GRIP1: variants seen among roughly 807,000 people sequenced by gnomAD.
GRIP1 encodes glutamate receptor-interacting protein 1.
In GRIP1, 45 loss-of-function variants were observed where a neutral mutation model predicts 129.9. The observed-to-expected ratio is 0.35, with a 90% CI of 0.27 to 0.44. The LOEUF (loss-of-function observed/expected upper bound fraction) is 0.44. GRIP1 is among the 20% of genes least tolerant of loss of function. GRIP1 has a pLI of 1.00. For synonymous variants in GRIP1, 530 were observed against 520.8 expected, an observed-to-expected ratio of 1.02 and a Z score of -0.24; for missense variants, 1,196 against 1,396.8, an observed-to-expected ratio of 0.86 and a Z score of 2.29.
intron 1 of GRIP1, among the ~76,000 whole-genome samples, chr12:67,013,971 C>T (rs2042747176): frequency 6.6e-6 from 1 of 152,186 alleles, no homozygotes; most frequent in Non-Finnish European, 1.5e-5. Flanking sequence ...GACAAAGATG[C>T]TCTCTTTTCT....
chr12:66,948,515 A>G (rs2041706231), intron 1 of GRIP1, among the ~76,000 whole-genome samples: 1 of 152,220 alleles, frequency 6.6e-6, no homozygotes, highest in South Asian at 2.1e-4. Context: ...ACTGGCTCAT[A>G]GAAGAAGATT....
intron 1 of GRIP1, among the ~76,000 whole-genome samples, chr12:66,919,171 C>A (rs1248188517): frequency 1.3e-5 from 2 of 152,048 alleles, no homozygotes; most frequent in East Asian, 1.9e-4. Context: ...ATGTAAATCC[C>A]AAATTATCAA....
chr12:66,998,560 T>C (rs890864205), intron 1 of GRIP1, among the ~76,000 whole-genome samples: 3 of 152,134 alleles, frequency 2.0e-5, no homozygotes, highest in African/African-American at 4.8e-5. Context: ...ATTTTACTTA[T>C]TCTTTTCTCT....
chr12:66,684,003 G>A (rs1328671807), upstream of GRIP1, among the ~76,000 whole-genome samples: 1 of 152,154 alleles, frequency 6.6e-6, no homozygotes, highest in African/African-American at 2.4e-5. Context: ...CCACTAAATG[G>A]CTGCGTGACC....
In GRIP1 at chr12:66,501,419, AAAG is replaced by A. The variant is rs1388788791; in HGVS notation, c.724+14197_724+14199del. On this transcript the variant is annotated intron_variant, in intron 7 of 24. Transcript: ENST00000359742. ...TATATAATGGCTAATGGAAGGTAAA[AAAG>A]AAGAATATTTTTTTCCCCAGTGAAT... is the stretch of plus-strand genomic sequence containing the variant. 2.6e-5 allele frequency among the ~76,000 whole-genome samples: 4 copies of A among 152,304 alleles called. No individual in the cohort carries two copies. The South Asian group carries it at 8.3e-4, about 32-fold the overall frequency.
rs144135201 is a variant in GRIP1, at chr12:66,869,953, A to G, written c.58+199097T>C. On this transcript the variant is annotated intron_variant, in intron 1 of 1. Transcript: ENST00000643019. ...CAGGGCTCTCAACCTCCATGGTCTG[A>G]CATTATGGGCCAGATAATTCTTGGA... Among the ~76,000 whole-genome samples the G allele has an allele frequency of 1.1e-3, 174 of 152,236 alleles. 3 individuals are homozygous for G. In the South Asian group the frequency reaches 0.013, roughly 11 times the overall value.
chr12:66,527,436 A>G (rs1169664349), intron 5 of GRIP1, among the ~76,000 whole-genome samples: 1 of 152,118 alleles, frequency 6.6e-6, no homozygotes, highest in African/African-American at 2.4e-5. Context: ...ACAAAAAACC[A>G]AACACTGCAT....
At chr12:66,660,408 G>A (rs2033425989) in intron 1 of GRIP1, among the ~76,000 whole-genome samples, 1 of 151,956 alleles carries the variant, frequency 6.6e-6, no homozygotes, top group Admixed American at 6.6e-5. Context: ...AGGCACTGAG[G>A]AAAAATGATT....
At chr12:66,492,812 C>T (rs1474445876) in intron 7 of GRIP1, among the ~76,000 whole-genome samples, 1 of 152,064 alleles carries the variant, frequency 6.6e-6, no homozygotes, top group East Asian at 1.9e-4. Flanking sequence ...GAGTTCAAGA[C>T]CAGCCTGGCC....
At chr12:66,630,513 T>C (rs1487063258) in intron 1 of GRIP1, among the ~76,000 whole-genome samples, 3 of 131,162 alleles carry the variant, frequency 2.3e-5, no homozygotes, top group Non-Finnish European at 5.1e-5. Flanking sequence ...AGTGAAAGAA[T>C]GAATCGCATT....
chr12:66,790,931 G>A (rs1241063608), intron 1 of GRIP1, among the ~76,000 whole-genome samples: 1 of 152,132 alleles, frequency 6.6e-6, no homozygotes, highest in Non-Finnish European at 1.5e-5. Context: ...AAGAGAGGCT[G>A]GAGGACTGGA....
chr12:66,809,410 C>T (rs12823702), intron 1 of GRIP1, among the ~76,000 whole-genome samples: 35,466 of 152,026 alleles, frequency 0.23, 4,657 homozygotes, highest in Non-Finnish European at 0.31. Flanking sequence ...TTAATCTGGC[C>T]CTTTTAGATT....
chr12:66,588,191 T>C (rs992323407), intron 2 of GRIP1, among the ~76,000 whole-genome samples: 20 of 152,170 alleles, frequency 1.3e-4, no homozygotes, highest in African/African-American at 4.8e-4. Flanking sequence ...AAAAGCCTTC[T>C]TGGCCAATTT....
chr12:66,704,196 T>A (rs929388249), intron 1 of GRIP1, among the ~76,000 whole-genome samples: 2 of 152,032 alleles, frequency 1.3e-5, no homozygotes, highest in Non-Finnish European at 2.9e-5. Flanking sequence ...AAGCATAACA[T>A]GTAAACCAAA....
chr12:66,395,767 G>C (rs559567416), intron 16 of GRIP1, among the ~76,000 whole-genome samples: 1 of 152,204 alleles, frequency 6.6e-6, no homozygotes, highest in East Asian at 1.9e-4. Context: ...TCAACATTGG[G>C]CTCAAATTTA....
At chr12:66,412,711 G>A (rs1399526923) in intron 15 of GRIP1, among the ~76,000 whole-genome samples, 1 of 152,144 alleles carries the variant, frequency 6.6e-6, no homozygotes, top group Non-Finnish European at 1.5e-5. Flanking sequence ...AGAGAGCCAA[G>A]ACCTATTGGT....
At chr12:66,647,811 A>G (rs1239031152) in intron 1 of GRIP1, among the ~76,000 whole-genome samples, 1 of 152,172 alleles carries the variant, frequency 6.6e-6, no homozygotes, top group African/African-American at 2.4e-5. Context: ...TGAATTAATT[A>G]CTATTACAGA....
At chr12:66,864,521 G>C (rs1348176152) in intron 1 of GRIP1, among the ~76,000 whole-genome samples, 3 of 151,498 alleles carry the variant, frequency 2.0e-5, no homozygotes, top group African/African-American at 7.3e-5. Flanking sequence ...TTCGAGACCA[G>C]CCTGGGCAAC....
chr12:66,463,858 T>C lies in GRIP1; in HGVS notation c.873-765A>G, dbSNP rs180907368. ...ACATACCAGTCAAGTGAACAGCTCC[T>C]TAAACTGGTTACCCCCTGTGGAATG... On this transcript the variant is annotated intron_variant, in intron 8 of 24. Coordinates refer to ENST00000359742, the MANE Select transcript of GRIP1 (RefSeq NM_001366722.1). Among the ~76,000 whole-genome samples the C allele has an allele frequency of 1.1e-3, 174 of 152,258 alleles. 1 individual carries two copies. Among genetic ancestry groups the C allele is most frequent in the African/African-American group, 4.1e-3 (169 of 41,550 alleles).
Sources: gnomAD v4.1 joint callset for allele counts (sites outside exome capture counted in the v4.1 genomes callset) on GRCh38, gnomAD v4.1.1 for gene constraint, MANE v1.5 for transcripts, NCBI Gene and HGNC (gene_info 2026-07-23, HGNC 2026-07-21) for gene names.